The following TMEFF1 variants were observed in gnomAD, a reference collection of about 807,000 sequenced individuals.
TMEFF1 encodes transmembrane protein with EGF like and two follistatin like domains 1.
TMEFF1 carries 20 observed loss-of-function variants against 47.5 expected under a neutral mutation model. The observed-to-expected ratio is 0.42, with a 90% CI of 0.30 to 0.61. The LOEUF is 0.61. TMEFF1 is among the 20% of genes least tolerant of loss of function. TMEFF1 has a pLI of 0.19. For missense variants in TMEFF1, 411 were observed against 471.1 expected (o/e 0.87, Z 1.18); for synonymous variants, 162 against 166.3 (o/e 0.97, Z 0.20).
chr9:100,561,612 C>A, intron 8 of TMEFF1, 92 bp downstream of exon 8: 4 of 1,384,428 alleles, frequency 2.9e-6, no homozygotes, highest in Non-Finnish European at 2.8e-6. Context: ...CTAAATATTA[C>A]CAGAAAGTAG....
intron 1 of TMEFF1, among the ~76,000 whole-genome samples, chr9:100,477,828 T>A (rs565183437): frequency 1.3e-5 from 2 of 152,236 alleles, no homozygotes; most frequent in African/African-American, 4.8e-5. Flanking sequence ...GGTTTCACTG[T>A]GTTGCCCATT....
chr9:100,514,839 G>C (rs949419621), intron 4 of TMEFF1, among the ~76,000 whole-genome samples: 1 of 151,752 alleles, frequency 6.6e-6, no homozygotes, highest in African/African-American at 2.4e-5. Context: ...TACTAAAAAT[G>C]CAAAAATTAG....
chr9:100,480,098 A>T lies in TMEFF1; in HGVS notation c.196+6358A>T, dbSNP rs554722773. Among the ~76,000 whole-genome samples, 144 of 151,954 alleles carry T rather than the reference A, an allele frequency of 9.5e-4. 13 individuals are homozygous for T. Among genetic ancestry groups the T allele is most frequent in the Admixed American group, 1.3e-4 (2 of 15,258 alleles). On this transcript the variant is annotated intron_variant, in intron 1 of 9. Transcript: ENST00000374879. ...GAAGTTATGTATCAATGTCGTTTTTATTTGTATTTTCCTAATGGCTATTGA... is the reference window on the plus strand; with the variant it reads ...GAAGTTATGTATCAATGTCGTTTTTTTTTGTATTTTCCTAATGGCTATTGA...
chr9:100,476,698 C>CTT (rs1837235690), intron 1 of TMEFF1, among the ~76,000 whole-genome samples: 1 of 128,198 alleles, frequency 7.8e-6, no homozygotes, highest in African/African-American at 3.0e-5. Context: ...TGGCCTATTT[C>CTT]GTTTTTTTTT....
intron 4 of TMEFF1, among the ~76,000 whole-genome samples, chr9:100,513,986 G>A (rs954437094): frequency 2.6e-5 from 4 of 152,074 alleles, no homozygotes; most frequent in African/African-American, 9.7e-5. Flanking sequence ...TTTGGTAATA[G>A]CATATAATGG....
intron 5 of TMEFF1, among the ~76,000 whole-genome samples, chr9:100,522,863 T>C (rs537427256): frequency 2.5e-4 from 38 of 152,178 alleles, no homozygotes; most frequent in African/African-American, 7.7e-4. Context: ...GCCTCTCGAA[T>C]AGCTGGGACC....
chr9:100,549,152 G>T (rs1838788512), intron 6 of TMEFF1, among the ~76,000 whole-genome samples: 2 of 152,304 alleles, frequency 1.3e-5, no homozygotes, highest in South Asian at 4.1e-4. Context: ...TTGGCTTACA[G>T]TTCCACAGGC....
At chr9:100,524,151 A>T (rs910544462) in intron 5 of TMEFF1, among the ~76,000 whole-genome samples, 13 of 95,524 alleles carry the variant, frequency 1.4e-4, no homozygotes, top group South Asian at 9.3e-4. Flanking sequence ...TCTTTTATTT[A>T]AAAAAAAAAA....
At chr9:100,480,066 T>G (rs1837311374) in intron 1 of TMEFF1, among the ~76,000 whole-genome samples, 1 of 152,216 alleles carries the variant, frequency 6.6e-6, no homozygotes, top group South Asian at 2.1e-4. Context: ...GCCATCCTAG[T>G]GGGTGTGAAG....
chr9:100,532,433 G>C (rs1587841228), intron 5 of TMEFF1, among the ~76,000 whole-genome samples: 2 of 152,274 alleles, frequency 1.3e-5, no homozygotes, highest in Non-Finnish European at 2.9e-5. Flanking sequence ...CAAAGGACAT[G>C]AACAGACATT....
At chr9:100,562,117 A>G (rs999585046) in intron 8 of TMEFF1, among the ~76,000 whole-genome samples, 2 of 152,104 alleles carry the variant, frequency 1.3e-5, no homozygotes, top group African/African-American at 4.8e-5. Context: ...GTCTGCGGAT[A>G]CACCTTTTTG....
chr9:100,573,547 T>C (rs1377742936), intron 9 of TMEFF1, among the ~76,000 whole-genome samples: 1 of 152,204 alleles, frequency 6.6e-6, no homozygotes, highest in East Asian at 1.9e-4. Context: ...TCTTCCTGCT[T>C]ACCTCTTTCT....
At chr9:100,505,141 C>T (rs1006912735) in intron 2 of TMEFF1, among the ~76,000 whole-genome samples, 2 of 152,066 alleles carry the variant, frequency 1.3e-5, no homozygotes, top group Middle Eastern at 3.4e-3. Context: ...AGGTCGGGCG[C>T]GGTGGCTCAT....
intron 1 of TMEFF1, among the ~76,000 whole-genome samples, chr9:100,494,800 T>G (rs1356140844): frequency 6.6e-6 from 1 of 152,216 alleles, no homozygotes; most frequent in Non-Finnish European, 1.5e-5. Flanking sequence ...TACAAAACAA[T>G]TTAAAATGTC....
At chr9:100,569,554 C>CT (rs1281440313) in intron 8 of TMEFF1, among the ~76,000 whole-genome samples, 1 of 151,448 alleles carries the variant, frequency 6.6e-6, no homozygotes, top group African/African-American at 2.4e-5. Flanking sequence ...TGCTATTTAT[C>CT]TTTTTTGTTG....
At chr9:100,544,820 C>T (rs1838701194) in intron 5 of TMEFF1, among the ~76,000 whole-genome samples, 1 of 152,246 alleles carries the variant, frequency 6.6e-6, no homozygotes, top group Non-Finnish European at 1.5e-5. Flanking sequence ...TAAGTACAGC[C>T]ATTCCAAGTG....
chr9:100,527,369 G>C (rs1177973822), intron 5 of TMEFF1, among the ~76,000 whole-genome samples: 2 of 152,196 alleles, frequency 1.3e-5, no homozygotes, highest in South Asian at 2.1e-4. Flanking sequence ...GTGGGCACAG[G>C]TCAGTGGGTG....
At chr9:100,481,347 A>C (rs1386162068) in intron 1 of TMEFF1, among the ~76,000 whole-genome samples, 3 of 152,192 alleles carry the variant, frequency 2.0e-5, no homozygotes, top group African/African-American at 7.2e-5. Flanking sequence ...TTCCCATTAC[A>C]TATTTATTTG....
intron 9 of TMEFF1, 75 bp from the exon 10 acceptor site, chr9:100,576,441 T>C: frequency 6.4e-7 from 1 of 1,561,754 alleles, no homozygotes. Context: ...GTGTATTACT[T>C]TGGAAACATT....
Sources: gnomAD v4.1 joint callset for allele counts (sites outside exome capture counted in the v4.1 genomes callset) on GRCh38, gnomAD v4.1.1 for gene constraint, MANE v1.5 for transcripts, NCBI Gene and HGNC (gene_info 2026-07-23, HGNC 2026-07-21) for gene names.